Variants in NCALD observed in about 807,000 individuals in gnomAD.
NCALD encodes neurocalcin-delta.
NCALD carries 10 observed loss-of-function variants against 18.6 expected under a neutral mutation model. The ratio of observed to expected loss-of-function variants is 0.54; its 90% CI spans 0.33 to 0.91. NCALD has a LOEUF of 0.91. NCALD is among the 40% of genes least tolerant of loss of function. NCALD has a pLI of 0.03. For missense variants in NCALD, 184 were observed against 247.6 expected (o/e 0.74, Z 1.72); for synonymous variants, 88 against 87.4 (o/e 1.01, Z -0.04).
rs1485939094 is a variant in NCALD at position 102,096,400 on chromosome 8, C to A, written c.-210+27837G>T. On this transcript the variant is annotated intron_variant, in intron 1 of 6. Transcript: ENST00000311028. ...CAGGATTGAGGCAGGAAAATAGGGTCTGGAGGCAGGGAACCTAAGACCATT... is the reference window on the plus strand; with the variant it reads ...CAGGATTGAGGCAGGAAAATAGGGTATGGAGGCAGGGAACCTAAGACCATT... Among the ~76,000 whole-genome samples, 3 of 152,210 alleles carry A rather than the reference C, an allele frequency of 2.0e-5. No individual in the cohort carries two copies. In the East Asian group the frequency reaches 5.8e-4, roughly 29 times the overall value.
intron 1 of NCALD, among the ~76,000 whole-genome samples, chr8:101,757,158 T>C (rs753185161): frequency 6.6e-5 from 10 of 152,218 alleles, no homozygotes; most frequent in Non-Finnish European, 8.8e-5. Context: ...TTACCCACCA[T>C]GGCCTTCAGA....
At chr8:102,095,955 T>C (rs2132393185) in intron 1 of NCALD, among the ~76,000 whole-genome samples, 1 of 152,308 alleles carries the variant, frequency 6.6e-6, no homozygotes, top group South Asian at 2.1e-4. Context: ...CCAGTTTACC[T>C]AGGAACATCC....
intron 4 of NCALD, among the ~76,000 whole-genome samples, chr8:101,877,830 G>A (rs1816292676): frequency 6.6e-6 from 1 of 152,158 alleles, no homozygotes; most frequent in Non-Finnish European, 1.5e-5. Flanking sequence ...GGGAAGAGCT[G>A]TTTGAACACC....
chr8:102,048,649 A>G (rs1323537210), intron 1 of NCALD, among the ~76,000 whole-genome samples: 1 of 152,210 alleles, frequency 6.6e-6, no homozygotes, highest in African/African-American at 2.4e-5. Flanking sequence ...CATGACATGT[A>G]TATGTGTGTG....
chr8:102,093,140 C>A (rs578255870), intron 1 of NCALD, among the ~76,000 whole-genome samples: 1 of 151,356 alleles, frequency 6.6e-6, no homozygotes, highest in Non-Finnish European at 1.5e-5. Context: ...GCCAGAGCAA[C>A]AGAGTGAGAC....
rs981276983 is a variant in NCALD, at chr8:101,941,976, C to T, written c.-156-26118G>A. On this transcript the variant is annotated intron_variant, in intron 2 of 6. Transcript: ENST00000311028. Reference sequence around the variant, plus strand: ...GTTAGCCATCACCTGAATGACTCATCTTTTTCTCAGAGGAAACAGTTCTTC... The same window carrying T: ...GTTAGCCATCACCTGAATGACTCATTTTTTTCTCAGAGGAAACAGTTCTTC... Among the ~76,000 whole-genome samples the T allele has an allele frequency of 2.6e-5, 4 of 152,278 alleles. No homozygotes were observed. The East Asian group carries it at 7.7e-4, about 29-fold the overall frequency.
chr8:101,713,547 G>T (rs1411210606), intron 2 of NCALD, among the ~76,000 whole-genome samples: 3 of 151,642 alleles, frequency 2.0e-5, no homozygotes, highest in Non-Finnish European at 4.4e-5. Flanking sequence ...GATTAATAAA[G>T]AAGAAAAGGG....
At chr8:101,994,852 T>A (rs1230769452) in intron 2 of NCALD, among the ~76,000 whole-genome samples, 1 of 152,250 alleles carries the variant, frequency 6.6e-6, no homozygotes, top group Non-Finnish European at 1.5e-5. Context: ...CCTAAAACCA[T>A]CTCTTAGCTG....
intron 1 of NCALD, among the ~76,000 whole-genome samples, chr8:101,746,829 G>C (rs1199653765): frequency 6.6e-6 from 1 of 151,852 alleles, no homozygotes; most frequent in African/African-American, 2.4e-5. Context: ...GTTAGCTAAG[G>C]TTCATTTCTC....
intron 3 of NCALD, among the ~76,000 whole-genome samples, chr8:101,895,325 A>G (rs1274971614): frequency 7.6e-6 from 1 of 131,178 alleles, no homozygotes; most frequent in Non-Finnish European, 1.5e-5. Flanking sequence ...CCTTCATGCT[A>G]AAAACTCTCA....
chr8:101,734,665 A>G (rs1816995083), intron 1 of NCALD, among the ~76,000 whole-genome samples: 1 of 152,174 alleles, frequency 6.6e-6, no homozygotes, highest in Non-Finnish European at 1.5e-5. Context: ...CTCTAGTTGC[A>G]AGGGATATAT....
chr8:101,987,658 CTGTCAGTATACTGCACATCCATTTTACTA>C (rs1212719039), intron 2 of NCALD, among the ~76,000 whole-genome samples: 1 of 152,210 alleles, frequency 6.6e-6, no homozygotes, highest in East Asian at 1.9e-4. Flanking sequence ...AGCACCACCC[CTGTCAGTATACTGCACATCCATTTTACTA>C]GATGGATATT....
chr8:102,040,166 T>C (rs746359012), intron 1 of NCALD, among the ~76,000 whole-genome samples: 17 of 152,272 alleles, frequency 1.1e-4, no homozygotes, highest in Non-Finnish European at 1.3e-4. Flanking sequence ...GGATACATGT[T>C]TATTGCTATT....
At chr8:101,884,060 C>G (rs1160859368) in intron 4 of NCALD, among the ~76,000 whole-genome samples, 1 of 152,230 alleles carries the variant, frequency 6.6e-6, no homozygotes, top group Admixed American at 6.5e-5. Flanking sequence ...AGCTTTCCCC[C>G]ATAGGATGCC....
chr8:101,759,787 C>G (rs2130824617), intron 1 of NCALD, among the ~76,000 whole-genome samples: 1 of 152,220 alleles, frequency 6.6e-6, no homozygotes, highest in Non-Finnish European at 1.5e-5. Flanking sequence ...CAGCTACTCC[C>G]AAAACTTGAC....
intron 1 of NCALD, among the ~76,000 whole-genome samples, chr8:101,763,289 T>A (rs1811190237): frequency 6.6e-6 from 1 of 152,058 alleles, no homozygotes; most frequent in Non-Finnish European, 1.5e-5. Context: ...TAAATTAGGG[T>A]GGCAGCAATG....
At chr8:102,036,642 G>C (rs764058093) in intron 1 of NCALD, among the ~76,000 whole-genome samples, 1 of 151,920 alleles carries the variant, frequency 6.6e-6, no homozygotes, top group African/African-American at 2.4e-5. Context: ...GGGCGTGGTG[G>C]TGCATACCTG....
chr8:101,694,916 A>G (rs1814917869), intron 2 of NCALD, among the ~76,000 whole-genome samples: 1 of 152,180 alleles, frequency 6.6e-6, no homozygotes, highest in Admixed American at 6.5e-5. Flanking sequence ...ATTTAGTAAC[A>G]GTAGACAGCA....
chr8:102,039,898 C>T (rs1178930534), intron 1 of NCALD, among the ~76,000 whole-genome samples: 1 of 152,180 alleles, frequency 6.6e-6, no homozygotes. Context: ...GATATCTGTA[C>T]ATGCCTGATC....
Sources: gnomAD v4.1 joint callset for allele counts (sites outside exome capture counted in the v4.1 genomes callset) on GRCh38, gnomAD v4.1.1 for gene constraint, MANE v1.5 for transcripts, NCBI Gene and HGNC (gene_info 2026-07-23, HGNC 2026-07-21) for gene names.